Variants in WSCD1 observed in about 807,000 individuals in gnomAD.
WSCD1 encodes sialate:O-sulfotransferase 1.
In WSCD1, 41 loss-of-function variants were observed where a neutral mutation model predicts 60.4. The ratio of observed to expected loss-of-function variants is 0.68; its 90% CI spans 0.53 to 0.88. WSCD1 has a LOEUF of 0.88. Among genes scored for constraint, WSCD1 ranks in the 40% least tolerant of loss-of-function variants. The pLI is 0.00. For synonymous variants in WSCD1, 361 were observed against 332.5 expected (o/e 1.09, Z -0.93); for missense variants, 784 against 796.2 (o/e 0.98, Z 0.18).
intron 7 of WSCD1, among the ~76,000 whole-genome samples, chr17:6,116,456 C>T (rs1296401809): frequency 6.6e-6 from 1 of 152,126 alleles, no homozygotes; most frequent in Non-Finnish European, 1.5e-5. Flanking sequence ...TGCCCAACCA[C>T]CAAATCTATT....
chr17:6,069,979 G>C (rs1203185477), upstream of WSCD1, among the ~76,000 whole-genome samples: 46 of 151,950 alleles, frequency 3.0e-4, no homozygotes, highest in Non-Finnish European at 1.0e-4. Context: ...TTCGGGATGT[G>C]TGTGTCAGGC....
At position 6,110,303 on chromosome 17, in the gene WSCD1, T is replaced by G. The variant is rs535375827; in HGVS notation, c.1010-468T>G. 6.6e-6 allele frequency among the ~76,000 whole-genome samples: 1 copy of G among 152,346 alleles called. No individual in the cohort carries two copies. The highest frequency in any genetic ancestry group is 2.1e-4 in the South Asian group (1 of 4,832). ...TTGGGGCTTTCCCCTGGTGATTTCA[T>G]GTGCTCCTTGTAGCAGCCCTGGGGA... On this transcript the variant is annotated intron_variant, in intron 6 of 8. Coordinates refer to ENST00000317744, the MANE Select transcript of WSCD1 (RefSeq NM_015253.2). This position sits in a 1 kb window ranked among gnomAD's most constrained non-coding sequence, Gnocchi z 4.8.
chr17:6,091,614 T>G (rs1028815824), intron 4 of WSCD1, among the ~76,000 whole-genome samples: 6 of 152,228 alleles, frequency 3.9e-5, no homozygotes, highest in Non-Finnish European at 5.9e-5. Context: ...AGAAGGCTCC[T>G]TTGTAAAATA....
Position 6,101,013 on chromosome 17 carries a change from GA to G in WSCD1, c.849+5792del. On this transcript the variant is annotated intron_variant, in intron 5 of 8. Transcript: ENST00000317744. This position sits in a 1 kb window ranked among gnomAD's most constrained non-coding sequence, Gnocchi z 4.1. ...CTGACCCAGACCTGCAGAGGCCAGA[GA>G]ACTCTTTGCAGGGAATGGTATCCTC... Among the ~76,000 whole-genome samples, 1 of 152,350 alleles carries G rather than the reference GA, an allele frequency of 6.6e-6. No homozygotes were observed. The highest frequency in any genetic ancestry group is 2.4e-5 in the African/African-American group (1 of 41,584).
intron 1 of WSCD1, among the ~76,000 whole-genome samples, chr17:6,073,389 G>A (rs969477894): frequency 6.6e-5 from 10 of 152,210 alleles, no homozygotes; most frequent in Non-Finnish European, 1.2e-4. Flanking sequence ...CTGGTGTTTT[G>A]GAAGCCAAGG....
chr17:6,120,201 G>C, intron 8 of WSCD1, 108 bp from the exon 9 acceptor site: 1 of 1,196,752 alleles, frequency 8.4e-7, no homozygotes, highest in South Asian at 1.4e-5. Context: ...TCTAGGCAGT[G>C]GACAGTGGAA....
intron 5 of WSCD1, among the ~76,000 whole-genome samples, chr17:6,108,554 G>A (rs1231529773): frequency 6.6e-6 from 1 of 152,196 alleles, no homozygotes; most frequent in Non-Finnish European, 1.5e-5. Flanking sequence ...GATGCCCAGA[G>A]AGTTAGGGAG....
At chr17:6,082,502 A>G (rs1356071206) in intron 2 of WSCD1, among the ~76,000 whole-genome samples, 1 of 152,124 alleles carries the variant, frequency 6.6e-6, no homozygotes, top group Non-Finnish European at 1.5e-5. Context: ...CAGCGTGGGG[A>G]CAGTCTGGCT....
chr17:6,111,186 G>A (rs762402629), intron 7 of WSCD1, among the ~76,000 whole-genome samples: 40 of 152,078 alleles, frequency 2.6e-4, no homozygotes, highest in Non-Finnish European at 3.5e-4. Flanking sequence ...GGCCACTGAG[G>A]CACTTGCAGA....
rs1904647243 is a variant in WSCD1 at position 6,120,805 on chromosome 17, G to C, written c.*144G>C. ...ACCCTGGTGCTGCCTCCCGCACAAG[G>C]AGACCTGGACACAACAGACACACAT... On this transcript the variant is annotated 3_prime_UTR_variant, in exon 9 of 9. Coordinates refer to ENST00000317744, the MANE Select transcript of WSCD1 (RefSeq NM_015253.2). 1.8e-5 allele frequency: 15 copies of C among 824,412 alleles called. No individual in the cohort carries two copies. In the South Asian group the frequency reaches 2.7e-4, roughly 15 times the overall value. 51.1% of individuals were successfully genotyped at this position (824,412 alleles called of 1,614,324 possible).
In WSCD1 at chr17:6,088,971, A is replaced by G. The variant is rs571322932; in HGVS notation, c.542+867A>G. On this transcript the variant is annotated intron_variant, in intron 3 of 8. Coordinates refer to ENST00000317744, the MANE Select transcript of WSCD1 (RefSeq NM_015253.2). ...CTAATTTTTTGTATTTTTAGTAGAG[A>G]TGGGGTTTCACTGTGTTAGCCAGGA... Among the ~76,000 whole-genome samples the G allele has an allele frequency of 5.3e-5, 8 of 151,382 alleles. No homozygotes were observed. The East Asian group carries it at 1.6e-3, about 30-fold the overall frequency.
At chr17:6,069,440 A>T (rs868044878), upstream of WSCD1, 915 of 371,510 alleles carry the variant, frequency 2.5e-3, 9 homozygotes, top group African/African-American at 0.017. Flanking sequence ...AGAGAGAGAG[A>T]GAGAGAGAGA....
At chr17:6,097,952 CTT>C (rs796614298) in intron 5 of WSCD1, among the ~76,000 whole-genome samples, 36 of 117,772 alleles carry the variant, frequency 3.1e-4, no homozygotes, top group Admixed American at 2.4e-4. Flanking sequence ...AGAGTTCTTT[CTT>C]TTTTTTTTTT....
At chr17:6,086,366 T>G (rs1456247619) in intron 2 of WSCD1, among the ~76,000 whole-genome samples, 1 of 151,004 alleles carries the variant, frequency 6.6e-6, no homozygotes, top group African/African-American at 2.4e-5. Flanking sequence ...GACAGAGTCT[T>G]GCTCTGTCAC....
At chr17:6,109,806 G>A in intron 6 of WSCD1, 40 bp downstream of exon 6, 6 of 1,592,018 alleles carry the variant, frequency 3.8e-6, no homozygotes, top group Non-Finnish European at 4.3e-6. Context: ...CATTTGGTCT[G>A]GGGGGTGGGG....
chr17:6,070,146 G>A (rs1385762556), upstream of WSCD1, among the ~76,000 whole-genome samples: 1 of 138,546 alleles, frequency 7.2e-6, no homozygotes, highest in South Asian at 2.2e-4. Flanking sequence ...TGTGGCTCTG[G>A]GTGACTGGTG....
intron 8 of WSCD1, among the ~76,000 whole-genome samples, chr17:6,119,966 C>T (rs188307520): frequency 2.0e-5 from 3 of 152,348 alleles, no homozygotes; most frequent in Admixed American, 2.0e-4. Flanking sequence ...ACTGTATGTC[C>T]TACTGCCCTG....
At position 6,120,420 on chromosome 17, in the gene WSCD1, G is replaced by GC; in HGVS notation, c.1489dup (p.Leu497ProfsTer43). ...GTGCACTACGAGGAGCTGCGGCGCAGCCTGGTGCCCACGTTACGGGAGATG... is the reference window on the plus strand; with the variant it reads ...GTGCACTACGAGGAGCTGCGGCGCAGCCCTGGTGCCCACGTTACGGGAGATG... On this transcript the variant is annotated frameshift_variant, in exon 9 of 9. Transcript: ENST00000317744. LOFTEE classifies it high-confidence loss of function. The GC allele has an allele frequency of 6.2e-7, 1 of 1,614,084 alleles. No individual in the cohort carries two copies. The highest frequency in any genetic ancestry group is 8.5e-7 in the Non-Finnish European group (1 of 1,180,034).
rs963266445 is a variant in WSCD1, at chr17:6,123,867, A to G, written c.*3206A>G. The G allele has an allele frequency of 1.3e-5, 2 of 152,344 alleles. No individual in the cohort carries two copies. Among genetic ancestry groups the G allele is most frequent in the East Asian group, 1.9e-4 (1 of 5,182 alleles). The allele number at this position is 152,344 out of a possible 1,614,324, so 9.4% of individuals were successfully genotyped here. ...AGGCCAGGTTGTAGTCCCAGCTCTT[A>G]TCTGCCATCTTGGACAAAGCTTTTC... On this transcript the variant is annotated 3_prime_UTR_variant, in exon 9 of 9. Coordinates refer to ENST00000317744, the MANE Select transcript of WSCD1 (RefSeq NM_015253.2).
Sources: gnomAD v4.1 joint callset for allele counts (sites outside exome capture counted in the v4.1 genomes callset) on GRCh38, gnomAD v4.1.1 for gene constraint, Gnocchi (gnomAD v3.1) non-coding constraint, MANE v1.5 for transcripts, NCBI Gene and HGNC (gene_info 2026-07-23, HGNC 2026-07-21) for gene names.